HCN1: variants seen among roughly 807,000 people sequenced by gnomAD.
HCN1 encodes the protein potassium/sodium hyperpolarization-activated cyclic nucleotide-gated channel 1.
A neutral mutation model predicts 78.9 loss-of-function variants in HCN1; 13 were observed. The observed-to-expected ratio is 0.16, with a 90% confidence interval of 0.11 to 0.26. HCN1 has a LOEUF of 0.26. HCN1 is among the 10% of genes least tolerant of loss of function. HCN1 has a pLI of 1.00. For missense variants in HCN1, 810 were observed against 1,154.3 expected (o/e 0.70, Z 4.32); for synonymous variants, 552 against 455.5 (o/e 1.21, Z -2.70).
chr5:45,521,879 G>A (rs1016438609), intron 2 of HCN1, among the ~76,000 whole-genome samples: 1 of 151,746 alleles, frequency 6.6e-6, no homozygotes, highest in African/African-American at 2.4e-5. Context: ...TATTATGTTT[G>A]GTAGAATAAT....
At chr5:45,532,631 T>C (rs1349241869) in intron 2 of HCN1, among the ~76,000 whole-genome samples, 1 of 152,174 alleles carries the variant, frequency 6.6e-6, no homozygotes, top group Non-Finnish European at 1.5e-5. Flanking sequence ...ATCAGAGTTT[T>C]ATATATGTTT....
At chr5:45,631,189 G>A (rs1476595318) in intron 2 of HCN1, among the ~76,000 whole-genome samples, 2 of 152,188 alleles carry the variant, frequency 1.3e-5, no homozygotes, top group Non-Finnish European at 2.9e-5. Flanking sequence ...CTCTCAGCAA[G>A]TCCAACTACT....
chr5:45,490,299 T>A (rs766160628), intron 2 of HCN1, among the ~76,000 whole-genome samples: 1 of 152,186 alleles, frequency 6.6e-6, no homozygotes, highest in East Asian at 1.9e-4. Flanking sequence ...AAGAAACAGA[T>A]ACCAAAGGTC....
chr5:45,454,138 G>T (rs917857185), intron 3 of HCN1, among the ~76,000 whole-genome samples: 1 of 151,984 alleles, frequency 6.6e-6, no homozygotes, highest in African/African-American at 2.4e-5. Flanking sequence ...ATTATAGTTC[G>T]ATTTAAAATT....
At position 45,435,664 on chromosome 5, in the gene HCN1, A is replaced by G. The variant is rs79522671; in HGVS notation, c.1011+26182T>C. ...CTTTATGAGATGGGGTGTGGGTTTA[A>G]TATCAATAAAGAGAAGAAGAAAAGA... On this transcript the variant is annotated intron_variant, in intron 3 of 7. Transcript: ENST00000303230. Among the ~76,000 whole-genome samples the G allele has an allele frequency of 5.0e-3, 763 of 152,300 alleles. 4 individuals carry two copies. The highest frequency in any genetic ancestry group is 0.018 in the African/African-American group (728 of 41,578).
intron 3 of HCN1, among the ~76,000 whole-genome samples, chr5:45,418,578 A>G (rs191478113): frequency 1.6e-4 from 24 of 152,110 alleles, no homozygotes; most frequent in African/African-American, 5.8e-4. Context: ...AAGGTCACAT[A>G]TTTAGGCTGG....
intron 2 of HCN1, among the ~76,000 whole-genome samples, chr5:45,631,820 T>A (rs1210358859): frequency 2.6e-5 from 4 of 152,182 alleles, no homozygotes; most frequent in Non-Finnish European, 2.9e-5. Context: ...TTTAGGAGAA[T>A]ATGTTTCTAG....
intron 3 of HCN1, among the ~76,000 whole-genome samples, chr5:45,436,313 C>T (rs919855729): frequency 1.3e-5 from 2 of 152,182 alleles, no homozygotes; most frequent in African/African-American, 4.8e-5. Context: ...CTAAACCCAA[C>T]TAACTATGTG....
intron 2 of HCN1, among the ~76,000 whole-genome samples, chr5:45,547,392 A>G (rs1041331170): frequency 6.6e-6 from 1 of 151,984 alleles, no homozygotes; most frequent in Non-Finnish European, 1.5e-5. Context: ...TTAAAGTAGT[A>G]AAGTAAGTAT....
At chr5:45,360,473 A>G (rs1422077148) in intron 4 of HCN1, among the ~76,000 whole-genome samples, 1 of 152,016 alleles carries the variant, frequency 6.6e-6, no homozygotes, top group Non-Finnish European at 1.5e-5. Flanking sequence ...TCTCTTTATT[A>G]TCCTACATTT....
intron 2 of HCN1, among the ~76,000 whole-genome samples, chr5:45,599,771 A>G (rs923962528): frequency 2.0e-5 from 3 of 152,084 alleles, no homozygotes; most frequent in African/African-American, 7.2e-5. Flanking sequence ...TGTGTTATCA[A>G]TTAAGTTGTC....
At chr5:45,447,002 A>G (rs1040417530) in intron 3 of HCN1, among the ~76,000 whole-genome samples, 1 of 152,122 alleles carries the variant, frequency 6.6e-6, no homozygotes. Context: ...TAACCAGCTA[A>G]CATCATAATG....
At chr5:45,591,832 C>G (rs543052841) in intron 2 of HCN1, among the ~76,000 whole-genome samples, 1 of 152,046 alleles carries the variant, frequency 6.6e-6, no homozygotes, top group African/African-American at 2.4e-5. Flanking sequence ...ATAGACTGTG[C>G]CTTTGGTGTG....
chr5:45,343,107 G>T (rs1264508671), intron 5 of HCN1, among the ~76,000 whole-genome samples: 1 of 152,126 alleles, frequency 6.6e-6, no homozygotes, highest in Non-Finnish European at 1.5e-5. Context: ...GTAAAGGTGA[G>T]AAATCATAAC....
intron 4 of HCN1, among the ~76,000 whole-genome samples, chr5:45,380,187 T>C (rs926891385): frequency 6.6e-6 from 1 of 152,066 alleles, no homozygotes; most frequent in Non-Finnish European, 1.5e-5. Flanking sequence ...AGGTCTGTTC[T>C]CTGCTTCCAA....
chr5:45,542,409 A>AT lies in HCN1; in HGVS notation c.850-80403dup, dbSNP rs530918256. Among the ~76,000 whole-genome samples the AT allele has an allele frequency of 9.9e-5, 15 of 151,898 alleles. No homozygotes were observed. The South Asian group carries it at 1.7e-3, about 17-fold the overall frequency. On this transcript the variant is annotated intron_variant, in intron 2 of 7. Coordinates refer to ENST00000303230, the MANE Select transcript of HCN1 (RefSeq NM_021072.4). ...GTATTTGACTCTGCTGTATGTCAGA[A>AT]TTTTTTTTCTGGTGCATATTTTTTC...
chr5:45,545,949 C>T lies in HCN1; in HGVS notation c.850-83942G>A, dbSNP rs181841531. Among the ~76,000 whole-genome samples, 308 of 151,994 alleles carry T rather than the reference C, an allele frequency of 2.0e-3. 2 individuals are homozygous for T. Among genetic ancestry groups the T allele is most frequent in the African/African-American group, 6.9e-3 (287 of 41,498 alleles). Reference sequence around the variant, plus strand: ...TAAATATGTATATACTTTAATGCTCCGTGTAATCTTCATTTAAGCATTACA... The same window carrying T: ...TAAATATGTATATACTTTAATGCTCTGTGTAATCTTCATTTAAGCATTACA... On this transcript the variant is annotated intron_variant, in intron 2 of 7. Transcript: ENST00000303230.
chr5:45,456,455 C>G (rs1343065224), intron 3 of HCN1, among the ~76,000 whole-genome samples: 1 of 151,956 alleles, frequency 6.6e-6, no homozygotes, highest in East Asian at 1.9e-4. Flanking sequence ...GACCAATTGT[C>G]TGCACTGTAG....
chr5:45,365,150 C>A (rs889573885), intron 4 of HCN1, among the ~76,000 whole-genome samples: 1 of 151,884 alleles, frequency 6.6e-6, no homozygotes, highest in African/African-American at 2.4e-5. Context: ...TTCATACGAT[C>A]AAATATATGT....
Sources: gnomAD v4.1 joint callset for allele counts (sites outside exome capture counted in the v4.1 genomes callset) on GRCh38, gnomAD v4.1.1 for gene constraint, MANE v1.5 for transcripts, NCBI Gene and HGNC (gene_info 2026-07-23, HGNC 2026-07-21) for gene names.